VAPB: variants seen among roughly 807,000 people sequenced by gnomAD.
VAPB encodes VAMP associated protein B and C, also known as vesicle-associated membrane protein-associated protein B/C.
A neutral mutation model predicts 25.6 loss-of-function variants in VAPB; 7 were observed. The ratio of observed to expected loss-of-function variants is 0.27; its 90% CI spans 0.16 to 0.51. VAPB has a LOEUF of 0.51. Ranked by LOEUF, VAPB falls within the 20% of genes least tolerant of loss-of-function variation. The pLI is 0.97. For missense variants in VAPB, 266 were observed against 301.3 expected (o/e 0.88, Z 0.87); for synonymous variants, 112 against 109.2 (o/e 1.03, Z -0.16).
At chr20:58,435,424 G>T (rs1031216968) in intron 3 of VAPB, among the ~76,000 whole-genome samples, 4 of 152,162 alleles carry the variant, frequency 2.6e-5, no homozygotes, top group African/African-American at 9.7e-5. Context: ...GGACAGATGC[G>T]CTTGTCCTTA....
chr20:58,394,476 A>T (rs912569016), intron 1 of VAPB, among the ~76,000 whole-genome samples: 5 of 152,270 alleles, frequency 3.3e-5, no homozygotes, highest in African/African-American at 1.2e-4. Context: ...GCTTTACAGC[A>T]CAACAGAGCG....
chr20:58,404,459 C>T (rs1988178357), intron 1 of VAPB, among the ~76,000 whole-genome samples: 1 of 152,206 alleles, frequency 6.6e-6, no homozygotes, highest in African/African-American at 2.4e-5. Context: ...GATCAGTTCC[C>T]TGTGCTCCTC....
intron 1 of VAPB, among the ~76,000 whole-genome samples, chr20:58,411,672 A>T (rs1429980395): frequency 1.3e-5 from 2 of 152,076 alleles, no homozygotes; most frequent in Admixed American, 1.3e-4. Flanking sequence ...ATTTTATTTT[A>T]TTTTATTTTT....
rs1989229895 is a variant in VAPB, at chr20:58,444,420, T to G, written c.*185T>G. On this transcript the variant is annotated 3_prime_UTR_variant, in exon 6 of 6. Coordinates refer to ENST00000475243, the MANE Select transcript of VAPB (RefSeq NM_004738.5). ...ACACACAAATATAATGTAACGATCT[T>G]TTAGAAAGTTAAAAATGTATAGTAA... The G allele has an allele frequency of 2.5e-6, 2 of 792,444 alleles. No homozygotes were observed. Among genetic ancestry groups the G allele is most frequent in the Non-Finnish European group, 4.2e-6 (2 of 473,766 alleles). The allele number at this position is 792,444 out of a possible 1,614,324, so 49.1% of individuals were successfully genotyped here.
chr20:58,439,792 T>C (rs1989123591), intron 4 of VAPB: 1 of 152,216 alleles, frequency 6.6e-6, no homozygotes, highest in African/African-American at 2.4e-5. Flanking sequence ...TCCTCACTTG[T>C]GACCAGTTGA....
chr20:58,423,475 A>ACAT (rs965424602), intron 2 of VAPB, among the ~76,000 whole-genome samples: 1 of 150,112 alleles, frequency 6.7e-6, no homozygotes, highest in Non-Finnish European at 1.5e-5. Flanking sequence ...CAGAGCATGA[A>ACAT]CATCAGCAGC....
intron 1 of VAPB, among the ~76,000 whole-genome samples, chr20:58,396,015 T>A (rs973970630): frequency 6.6e-6 from 1 of 152,224 alleles, no homozygotes; most frequent in Non-Finnish European, 1.5e-5. Flanking sequence ...CTACAAACAC[T>A]GTCTTTGTAG....
In VAPB at chr20:58,448,510, A is replaced by C. The variant is rs971404540; in HGVS notation, c.*4275A>C. 1.8e-5 allele frequency: 8 copies of C among 453,984 alleles called. No individual in the cohort carries two copies. In the Admixed American group the frequency reaches 1.9e-4, roughly 11 times the overall value. 28.1% of individuals were successfully genotyped at this position (453,984 alleles called of 1,614,324 possible). A position where few individuals can be genotyped will look rare whatever the true frequency, so the allele number is the denominator to read the frequency against. On this transcript the variant is annotated 3_prime_UTR_variant, in exon 6 of 6. Coordinates refer to ENST00000475243, the MANE Select transcript of VAPB (RefSeq NM_004738.5). ...GCTCTGTTTGCATACGAAGAAATAA[A>C]GGCTCCAGGAGGTTAAATCGGGCAA...
Position 58,448,629 on chromosome 20 carries a change from C to T in VAPB, c.*4394C>T, listed in dbSNP as rs1042545830. The T allele has an allele frequency of 1.0e-4, 46 of 453,956 alleles. No homozygotes were observed. The highest frequency in any genetic ancestry group is 1.4e-3 in the Middle Eastern group (2 of 1,466). 28.1% of individuals were successfully genotyped at this position (453,956 alleles called of 1,614,324 possible). A position where few individuals can be genotyped will look rare whatever the true frequency, so the allele number is the denominator to read the frequency against. Reference sequence around the variant, plus strand: ...GCTTCAGGGAAGTGAGTGGATGAGGCCTTCCTGCCTCAGCTACTCTGCCCG... The same window carrying T: ...GCTTCAGGGAAGTGAGTGGATGAGGTCTTCCTGCCTCAGCTACTCTGCCCG... On this transcript the variant is annotated 3_prime_UTR_variant, in exon 6 of 6. Coordinates refer to ENST00000475243, the MANE Select transcript of VAPB (RefSeq NM_004738.5).
intron 3 of VAPB, 60 bp downstream of exon 3, chr20:58,434,765 A>G (rs1989003304): frequency 1.2e-6 from 1 of 854,120 alleles, no homozygotes; most frequent in Admixed American, 1.7e-5. Context: ...CCAATTAGAT[A>G]TGGAATTGTG....
At position 58,420,079 on chromosome 20, in the gene VAPB, A is replaced by G. The variant is rs540531137; in HGVS notation, c.211+1716A>G. On this transcript the variant is annotated intron_variant, in intron 2 of 5. Coordinates refer to ENST00000475243, the MANE Select transcript of VAPB (RefSeq NM_004738.5). ...CTGCTCACTGCAACCTCCACCTCCC[A>G]GATTCAAGCAATTCTCTTGCCTCAG... is the stretch of plus-strand genomic sequence containing the variant. Among the ~76,000 whole-genome samples the G allele has an allele frequency of 8.5e-5, 13 of 152,096 alleles. No individual in the cohort carries two copies. The Middle Eastern group carries it at 0.017, about 199-fold the overall frequency.
chr20:58,409,904 T>TACAC (rs34649242), intron 1 of VAPB, among the ~76,000 whole-genome samples: 1,491 of 148,208 alleles, frequency 0.01, 8 homozygotes, highest in Middle Eastern at 0.021. Flanking sequence ...TTTATTCATA[T>TACAC]ACACACACAC....
intron 1 of VAPB, among the ~76,000 whole-genome samples, chr20:58,392,276 C>T (rs1987823760): frequency 6.6e-6 from 1 of 152,144 alleles, no homozygotes; most frequent in Non-Finnish European, 1.5e-5. Context: ...ATTAGACAAC[C>T]ACTTAACTAC....
rs1324074375 is a variant in VAPB at position 58,450,456 on chromosome 20, G to T, written c.*6221G>T. The stretch of plus-strand genomic sequence containing the variant: ...GTAAGGTGACTCAAGATGATACACC[G>T]AGAGAAAAATGCAAAATATATTTGG... On this transcript the variant is annotated 3_prime_UTR_variant, in exon 6 of 6. Coordinates refer to ENST00000475243, the MANE Select transcript of VAPB (RefSeq NM_004738.5). The T allele has an allele frequency of 2.2e-6, 1 of 453,720 alleles. No homozygotes were observed. The allele number at this position is 453,720 out of a possible 1,614,324, so 28.1% of individuals were successfully genotyped here.
At chr20:58,403,851 C>T (rs1204634424) in intron 1 of VAPB, among the ~76,000 whole-genome samples, 5 of 152,222 alleles carry the variant, frequency 3.3e-5, no homozygotes, top group Admixed American at 3.3e-4. Flanking sequence ...TTCTCATCCC[C>T]ACTGACTGTG....
chr20:58,402,771 G>A (rs900823059), intron 1 of VAPB, among the ~76,000 whole-genome samples: 1 of 152,096 alleles, frequency 6.6e-6, no homozygotes, highest in South Asian at 2.1e-4. Context: ...TTGGGACTCC[G>A]AGGCAAGCGA....
intron 2 of VAPB, among the ~76,000 whole-genome samples, chr20:58,429,350 G>A (rs1988877109): frequency 6.6e-6 from 1 of 152,218 alleles, no homozygotes; most frequent in Non-Finnish European, 1.5e-5. Flanking sequence ...TGTTGGACCT[G>A]CTACCTCAGG....
At position 58,445,678 on chromosome 20, in the gene VAPB, TTAA is replaced by T. The variant is rs1989267352; in HGVS notation, c.*1444_*1446del. On this transcript the variant is annotated 3_prime_UTR_variant, in exon 6 of 6. Coordinates refer to ENST00000475243, the MANE Select transcript of VAPB (RefSeq NM_004738.5). Reference sequence around the variant, plus strand: ...CACTGAGAAATACGTGTTTCATGATTTAACTCTGTGTGTGTGTGTGTGTGTGTG... The same window carrying T: ...CACTGAGAAATACGTGTTTCATGATTCTCTGTGTGTGTGTGTGTGTGTGTG... The T allele has an allele frequency of 2.2e-6, 1 of 451,532 alleles. No homozygotes were observed. Among genetic ancestry groups the T allele is most frequent in the Non-Finnish European group, 4.4e-6 (1 of 226,344 alleles). 28.0% of individuals were successfully genotyped at this position (451,532 alleles called of 1,614,324 possible). A position where few individuals can be genotyped will look rare whatever the true frequency, so the allele number is the denominator to read the frequency against.
At chr20:58,422,737 G>A (rs1988694465) in intron 2 of VAPB, among the ~76,000 whole-genome samples, 1 of 151,936 alleles carries the variant, frequency 6.6e-6, no homozygotes, top group African/African-American at 2.4e-5. Context: ...TATGCTTCCT[G>A]TAATATGATA....
Sources: gnomAD v4.1 joint callset for allele counts (sites outside exome capture counted in the v4.1 genomes callset) on GRCh38, gnomAD v4.1.1 for gene constraint, MANE v1.5 for transcripts, NCBI Gene and HGNC (gene_info 2026-07-23, HGNC 2026-07-21) for gene names.